The following BLK variants were observed in gnomAD, a reference collection of about 807,000 sequenced individuals.
BLK encodes BLK proto-oncogene, Src family tyrosine kinase.
A neutral mutation model predicts 61.8 loss-of-function variants in BLK; 64 were observed. That is an observed-to-expected ratio of 1.03 (90% CI 0.85 to 1.27). The LOEUF (loss-of-function observed/expected upper bound fraction) is 1.27. Among genes scored for constraint, BLK ranks in the 50% most tolerant of loss-of-function variants. The pLI is 0.00. For missense variants in BLK, 853 were observed against 660.5 expected (o/e 1.29, Z -3.19); for synonymous variants, 351 against 272.0 (o/e 1.29, Z -2.86).
Position 11,550,191 on chromosome 8 carries a change from C to T in BLK, c.401C>T (p.Ala134Val). Residue 134 changes from alanine (A) to valine (V), a missense_variant, in exon 6 of 13, where the codon GCT becomes GTT. Ala to Val is a moderately conservative substitution (Grantham distance 64). Transcript: ENST00000259089. ...TTTAGATCACAGGGTCGGAAGGAGG[C>T]TGAGAGGCAGCTTCTTGCTCCAATC... ...WFFRSQGRKE[A>V]ERQLLAPINK... The T allele has an allele frequency of 6.2e-7, 1 of 1,614,152 alleles. No individual in the cohort carries two copies. The highest frequency in any genetic ancestry group is 8.5e-7 in the Non-Finnish European group (1 of 1,180,012).
intron 1 of BLK, among the ~76,000 whole-genome samples, chr8:11,523,624 T>C (rs554780273): frequency 3.3e-5 from 5 of 152,294 alleles, no homozygotes; most frequent in Admixed American, 6.5e-5. Flanking sequence ...ATTTATGACA[T>C]TAATGTAAAA....
Position 11,556,853 on chromosome 8 carries a change from G to A in BLK, c.952+16G>A, listed in dbSNP as rs1376607495. 1 of 1,613,146 alleles carries A rather than the reference G, an allele frequency of 6.2e-7. No homozygotes were observed. Among genetic ancestry groups the A allele is most frequent in the Admixed American group, 1.7e-5 (1 of 59,962 alleles). On this transcript the variant is annotated intron_variant, in intron 9 of 12. Transcript: ENST00000259089. ...ATGGCCAGAGGTGGTGCCCCCCGCAGAGCCGCATCCTCAGAGCGAGGCGGG... is the reference window on the plus strand; with the variant it reads ...ATGGCCAGAGGTGGTGCCCCCCGCAAAGCCGCATCCTCAGAGCGAGGCGGG...
intron 1 of BLK, among the ~76,000 whole-genome samples, chr8:11,534,572 G>T (rs909714998): frequency 6.6e-6 from 1 of 152,166 alleles, no homozygotes; most frequent in Non-Finnish European, 1.5e-5. Flanking sequence ...CCTTCCTGAA[G>T]GTCTGCTCAG....
intron 9 of BLK, 113 bp downstream of exon 9, chr8:11,556,950 AGGGCAT>A (rs1026567082): frequency 1.3e-6 from 1 of 791,202 alleles, no homozygotes; most frequent in Admixed American, 2.7e-5. Flanking sequence ...CTGCAGATCT[AGGGCAT>A]GGCACGGTGT....
intron 1 of BLK, among the ~76,000 whole-genome samples, chr8:11,535,248 GGAAAGAAAGAAAGAAGAAA>G (rs938453757): frequency 3.2e-5 from 3 of 94,102 alleles, no homozygotes; most frequent in Non-Finnish European, 6.6e-5. Flanking sequence ...AAGAAGGAAA[GGAAAGAAAGAAAGAAGAAA>G]GAAAGAAAGA....
At chr8:11,513,697 G>A (rs570803099) in intron 1 of BLK, among the ~76,000 whole-genome samples, 2 of 152,342 alleles carry the variant, frequency 1.3e-5, no homozygotes, top group African/African-American at 4.8e-5. Flanking sequence ...GGCCTTTGAG[G>A]CATTGCATTC....
intron 10 of BLK, chr8:11,560,478 C>T (rs1801459160): frequency 4.0e-6 from 1 of 248,028 alleles, no homozygotes; most frequent in Non-Finnish European, 7.9e-6. Flanking sequence ...GGAATCAATT[C>T]TAGTGCTGGC....
chr8:11,520,756 A>G (rs1483554094), intron 1 of BLK, among the ~76,000 whole-genome samples: 1 of 152,184 alleles, frequency 6.6e-6, no homozygotes, highest in African/African-American at 2.4e-5. Flanking sequence ...TTTCGAAAAA[A>G]GGCATAACAG....
At chr8:11,529,354 T>G (rs1416311298) in intron 1 of BLK, among the ~76,000 whole-genome samples, 1 of 152,124 alleles carries the variant, frequency 6.6e-6, no homozygotes, top group Non-Finnish European at 1.5e-5. Context: ...AGGAAGCCAG[T>G]GAGTCGAGAG....
intron 6 of BLK, among the ~76,000 whole-genome samples, chr8:11,551,227 G>C (rs986541577): frequency 6.6e-6 from 1 of 152,206 alleles, no homozygotes; most frequent in Non-Finnish European, 1.5e-5. Context: ...AAGTGGCACA[G>C]ACTGGGTGGC....
At chr8:11,525,234 A>G (rs1799610782) in intron 1 of BLK, among the ~76,000 whole-genome samples, 1 of 152,188 alleles carries the variant, frequency 6.6e-6, no homozygotes, top group South Asian at 2.1e-4. Flanking sequence ...TTAATATCAC[A>G]TTTTGAAAAG....
At chr8:11,560,944 C>T (rs1214215695) in intron 10 of BLK, 2 of 487,936 alleles carry the variant, frequency 4.1e-6, no homozygotes, top group Admixed American at 4.6e-5. Flanking sequence ...TCCTGCTCCC[C>T]CTCCCCCTCC....
chr8:11,520,367 C>G (rs1169490630), intron 1 of BLK, among the ~76,000 whole-genome samples: 1 of 149,768 alleles, frequency 6.7e-6, no homozygotes, highest in Non-Finnish European at 1.5e-5. Flanking sequence ...GTCCCAGCTA[C>G]TTGGGAGGTT....
chr8:11,543,136 C>G, intron 1 of BLK, 88 bp from the exon 2 acceptor site: 1 of 1,602,512 alleles, frequency 6.2e-7, no homozygotes, highest in African/African-American at 1.3e-5. Context: ...TCTAACCAGC[C>G]TCCCGGAAGG....
chr8:11,503,872 G>C (rs781378639), intron 1 of BLK, among the ~76,000 whole-genome samples: 4 of 152,136 alleles, frequency 2.6e-5, no homozygotes, highest in Non-Finnish European at 5.9e-5. Context: ...TCCAGGTTCC[G>C]GCACTCCACG....
intron 1 of BLK, among the ~76,000 whole-genome samples, chr8:11,537,226 C>T (rs1800170335): frequency 6.6e-6 from 1 of 152,148 alleles, no homozygotes; most frequent in South Asian, 2.1e-4. Flanking sequence ...ACCGTACTTT[C>T]TTCATTTACA....
intron 8 of BLK, 34 bp downstream of exon 8, chr8:11,555,518 C>G: frequency 6.2e-7 from 1 of 1,613,700 alleles, no homozygotes; most frequent in South Asian, 1.1e-5. Flanking sequence ...CATTTCTCCC[C>G]CCATTCCACC....
At chr8:11,539,405 C>T (rs2169889) in intron 1 of BLK, among the ~76,000 whole-genome samples, 145,906 of 152,198 alleles carry the variant, frequency 0.96, 70,046 homozygotes, top group East Asian at 1. Flanking sequence ...AACAAGTCTT[C>T]AATTGCTGGG....
intron 10 of BLK, chr8:11,560,184 T>C: frequency 1.6e-5 from 1 of 63,692 alleles, no homozygotes; most frequent in Non-Finnish European, 2.9e-5. Flanking sequence ...GATGGATGCA[T>C]GGATGGATGG....
Sources: gnomAD v4.1 joint callset for allele counts (sites outside exome capture counted in the v4.1 genomes callset) on GRCh38, gnomAD v4.1.1 for gene constraint, MANE v1.5 for transcripts, NCBI Gene and HGNC (gene_info 2026-07-23, HGNC 2026-07-21) for gene names.